Variants in CCDC57 observed in about 807,000 individuals in gnomAD.
The protein encoded by CCDC57 is coiled-coil domain containing 57, also known as coiled-coil domain-containing protein 57.
Under a neutral mutation model 118.9 loss-of-function variants are expected in CCDC57, and 118 were observed. That is an observed-to-expected ratio of 0.99 (90% CI 0.86 to 1.16). The LOEUF is 1.16. Among genes scored for constraint, CCDC57 ranks in the 50% most tolerant of loss-of-function variants. The probability of loss-of-function intolerance (pLI) is 0.00; values close to 1 mark genes in which losing one functional copy is unlikely to be tolerated. For missense variants in CCDC57, 1,300 were observed against 1,320.7 expected (o/e 0.98, Z 0.24); for synonymous variants, 527 against 532.9 (o/e 0.99, Z 0.15).
intron 13 of CCDC57, among the ~76,000 whole-genome samples, chr17:82,165,343 C>T (rs2043851147): frequency 6.6e-6 from 1 of 152,132 alleles, no homozygotes. Flanking sequence ...CAAAAAGCCT[C>T]ACTAGGGGAA....
intron 19 of CCDC57, among the ~76,000 whole-genome samples, chr17:82,116,063 C>T (rs1348308440): frequency 3.4e-5 from 5 of 146,286 alleles, no homozygotes; most frequent in Admixed American, 2.0e-4. Context: ...TCCCAAAGTG[C>T]TGGGATTACA....
chr17:82,157,668 A>T, intron 15 of CCDC57, 80 bp downstream of exon 14: 1 of 1,498,364 alleles, frequency 6.7e-7, no homozygotes, highest in Non-Finnish European at 8.9e-7. Context: ...TACAGACAGC[A>T]ACGCTGGCAG....
At position 82,127,676 on chromosome 17, in the gene CCDC57, G is replaced by A. The variant is rs1306955049; in HGVS notation, c.2899+16C>T. 3.2e-6 allele frequency: 5 copies of A among 1,583,884 alleles called. No homozygotes were observed. Among genetic ancestry groups the A allele is most frequent in the Admixed American group, 3.7e-5 (2 of 54,342 alleles). ...CTGCCAGCTGTGGGCAGCTCCTGGG[G>A]AGGGCAGTCTCCTACCTGGAGTTGA... On this transcript the variant is annotated intron_variant, in intron 19 of 19. Coordinates refer to ENST00000665763, the Ensembl canonical transcript of CCDC57.
chr17:82,126,683 C>T, intron 19 of CCDC57: 2 of 985,438 alleles, frequency 2.0e-6, no homozygotes, highest in Non-Finnish European at 2.4e-6. Flanking sequence ...TGAGGCGATG[C>T]TGTCCACCAC....
intron 16 of CCDC57, chr17:82,135,424 T>G (rs1294822145): frequency 1.4e-5 from 2 of 147,330 alleles, no homozygotes; most frequent in African/African-American, 4.8e-5. Context: ...TTTAAAGCTT[T>G]TTTATCAATT....
exon 4 of CCDC57, chr17:82,198,396 T>C (rs751887918): frequency 6.2e-7 from 1 of 1,612,516 alleles, no homozygotes; most frequent in South Asian, 1.1e-5. Flanking sequence ...CTGTTCCCGG[T>C]GGTGGTCAAT....
In CCDC57 at chr17:82,170,237, C is replaced by T. The variant is rs1374860993; in HGVS notation, c.1882+1464G>A. 4.6e-5 allele frequency among the ~76,000 whole-genome samples: 7 copies of T among 152,218 alleles called. No homozygotes were observed. The East Asian group carries it at 9.7e-4, about 21-fold the overall frequency. On this transcript the variant is annotated intron_variant, in intron 13 of 19. Coordinates refer to ENST00000665763, the Ensembl canonical transcript of CCDC57. Reference sequence around the variant, plus strand: ...TTACAAGAAGAGGAAGAGTCGGGCGCGGTGTCTCACGCCTGTCATCCCAGC... The same window carrying T: ...TTACAAGAAGAGGAAGAGTCGGGCGTGGTGTCTCACGCCTGTCATCCCAGC...
intron 16 of CCDC57, among the ~76,000 whole-genome samples, chr17:82,146,623 A>C (rs1336637335): frequency 3.3e-5 from 5 of 152,238 alleles, no homozygotes; most frequent in Admixed American, 2.6e-4. Flanking sequence ...ATCAAAGCCA[A>C]ACCAAAAGTC....
At position 82,163,110 on chromosome 17, in the gene CCDC57, G is replaced by C. The variant is rs1199249858; in HGVS notation, c.2040+90C>G. 5 of 1,502,942 alleles carry C rather than the reference G, an allele frequency of 3.3e-6. No homozygotes were observed. The Admixed American group carries it at 5.4e-5, about 16-fold the overall frequency. The allele number at this position is 1,502,942 out of a possible 1,614,324, so 93.1% of individuals were successfully genotyped here. A position where few individuals can be genotyped will look rare whatever the true frequency, so the allele number is the denominator to read the frequency against. On this transcript the variant is annotated intron_variant, in intron 14 of 19. Coordinates refer to ENST00000665763, the Ensembl canonical transcript of CCDC57. ...GTCAGTGGATGCCCGAGGTCACCTG[G>C]GGTCGCACCGGGCAGCCGCTCAGAG...
At chr17:82,194,054 T>C (rs774603564) in exon 6 of CCDC57, 3 of 1,613,860 alleles carry the variant, frequency 1.9e-6, no homozygotes. Context: ...CAGCTCGGCG[T>C]TGGTGGCCTC....
intron 19 of CCDC57, among the ~76,000 whole-genome samples, chr17:82,119,080 C>T (rs986513167): frequency 2.6e-5 from 1 of 37,856 alleles, no homozygotes; most frequent in Non-Finnish European, 4.8e-5. Flanking sequence ...CTCCACTGAG[C>T]GGGCGGGAGG....
rs1555671908 is a variant in CCDC57 at position 82,103,297 on chromosome 17, G to GGTCACAAA, written c.2900-1432_2900-1431insTTTGTGAC. Among the ~76,000 whole-genome samples, 9 of 151,666 alleles carry GGTCACAAA rather than the reference G, an allele frequency of 5.9e-5. No homozygotes were observed. The South Asian group carries it at 1.7e-3, about 28-fold the overall frequency. ...CTTCCTTTTCCTGCAGCCCCGTTGG[G>GGTCACAAA]GTCACACAGTCCCTGGCCCCCTGCT... On this transcript the variant is annotated intron_variant, in intron 19 of 19. Transcript: ENST00000665763.
chr17:82,189,200 C>T (rs991782104), intron 7 of CCDC57, among the ~76,000 whole-genome samples: 1 of 151,812 alleles, frequency 6.6e-6, no homozygotes, highest in African/African-American at 2.4e-5. Context: ...CGTGGGAGGT[C>T]GAGGCTGCAG....
Position 82,188,198 on chromosome 17 carries a change from TG to T in CCDC57, c.1052+20del. ...GCCGTCCCTGCCCTCACCCTCTGGG[TG>T]GAGCCAAGCACACGCTCACTGGTCA... is the stretch of plus-strand genomic sequence containing the variant. On this transcript the variant is annotated intron_variant, in intron 8 of 19. Coordinates refer to ENST00000665763, the Ensembl canonical transcript of CCDC57. 1 of 1,528,904 alleles carries T rather than the reference TG, an allele frequency of 6.5e-7. No individual in the cohort carries two copies. The allele number at this position is 1,528,904 out of a possible 1,614,324, so 94.7% of individuals were successfully genotyped here.
chr17:82,168,585 C>T (rs997327749), intron 13 of CCDC57, among the ~76,000 whole-genome samples: 3 of 152,104 alleles, frequency 2.0e-5, no homozygotes, highest in African/African-American at 7.2e-5. Context: ...GCAACAGAGA[C>T]TCCGTCTCAA....
chr17:82,190,553 G>A (rs1468049960), intron 7 of CCDC57, among the ~76,000 whole-genome samples: 1 of 152,082 alleles, frequency 6.6e-6, no homozygotes. Flanking sequence ...AAATTAGCCA[G>A]GTGTAGTGGT....
At chr17:82,111,165 G>T (rs1390673323) in intron 19 of CCDC57, among the ~76,000 whole-genome samples, 1 of 151,248 alleles carries the variant, frequency 6.6e-6, no homozygotes, top group African/African-American at 2.4e-5. Flanking sequence ...GCGCGATCTC[G>T]GCTCACTGCA....
At chr17:82,127,221 T>C (rs997830553) in intron 19 of CCDC57, 3 of 985,310 alleles carry the variant, frequency 3.0e-6, no homozygotes, top group African/African-American at 3.5e-5. Flanking sequence ...GACACTTGTC[T>C]GGCCCGTGAG....
In CCDC57 at chr17:82,118,930, C is replaced by A. The variant is rs948542478; in HGVS notation, c.2899+8762G>T. On this transcript the variant is annotated intron_variant, in intron 19 of 19. Coordinates refer to ENST00000665763, the Ensembl canonical transcript of CCDC57. This position sits in a 1 kb window ranked among gnomAD's most constrained non-coding sequence, Gnocchi z 4.7. ...GTGGTTTGCCTTGGAGTCCCTCCCT[C>A]GCCCTGGAATGCCTGGTAGTGTGTG... 1.3e-5 allele frequency among the ~76,000 whole-genome samples: 2 copies of A among 151,564 alleles called. No homozygotes were observed. Among genetic ancestry groups the A allele is most frequent in the Non-Finnish European group, 2.9e-5 (2 of 67,922 alleles).
Sources: allele counts gnomAD v4.1 joint callset (sites outside exome capture counted in the v4.1 genomes callset), GRCh38; gene constraint gnomAD v4.1.1; non-coding constraint Gnocchi (gnomAD v3.1); transcripts MANE v1.5; gene names NCBI Gene and HGNC (gene_info 2026-07-23, HGNC 2026-07-21).